The following SPATS2L variants were observed in gnomAD, a reference collection of about 807,000 sequenced individuals.
SPATS2L encodes spermatogenesis associated serine rich 2 like, also known as SPATS2-like protein.
A neutral mutation model predicts 59.6 loss-of-function variants in SPATS2L; 30 were observed. The ratio of observed to expected loss-of-function variants is 0.50; its 90% confidence interval spans 0.38 to 0.68. The LOEUF is 0.68. Ranked by LOEUF, SPATS2L falls within the 30% of genes least tolerant of loss-of-function variation. The pLI, the probability that SPATS2L is intolerant of heterozygous loss-of-function variation, is 0.00. For missense variants in SPATS2L, 615 were observed against 700.0 expected (o/e 0.88, Z 1.37); for synonymous variants, 252 against 263.5 (o/e 0.96, Z 0.42).
At chr2:200,465,608 G>A (rs2043773) in intron 9 of SPATS2L, among the ~76,000 whole-genome samples, 58,857 of 152,160 alleles carry the variant, frequency 0.39, 12,339 homozygotes, top group Non-Finnish European at 0.45. Context: ...ACATGGTATT[G>A]TAAATGGGGG....
In SPATS2L at chr2:200,435,082, T is replaced by C. The variant is rs559139340; in HGVS notation, c.446-4040T>C. On this transcript the variant is annotated intron_variant, in intron 6 of 12. Transcript: ENST00000409140. The stretch of plus-strand genomic sequence containing the variant: ...AATTCAGATTTACTCTGGTATCCTC[T>C]TCCATTATTTTTTCACATTTTACAT... Among the ~76,000 whole-genome samples the C allele has an allele frequency of 2.6e-5, 4 of 152,300 alleles. No homozygotes were observed. The East Asian group carries it at 7.7e-4, about 29-fold the overall frequency.
intron 12 of SPATS2L, among the ~76,000 whole-genome samples, chr2:200,474,460 C>A (rs2087345738): frequency 6.6e-6 from 1 of 152,086 alleles, no homozygotes; most frequent in Non-Finnish European, 1.5e-5. Flanking sequence ...GCACGTGCCA[C>A]CACGCCTGAC....
intron 1 of SPATS2L, among the ~76,000 whole-genome samples, chr2:200,318,124 C>G (rs1178280867): frequency 2.0e-5 from 3 of 152,206 alleles, no homozygotes; most frequent in Non-Finnish European, 4.4e-5. Context: ...AGCAGAGAGT[C>G]TGATCTCACA....
intron 6 of SPATS2L, among the ~76,000 whole-genome samples, chr2:200,438,131 AG>A (rs1365540448): frequency 6.6e-6 from 1 of 152,162 alleles, no homozygotes; most frequent in African/African-American, 2.4e-5. Context: ...AGTAGAGAGA[AG>A]CAGGGCAAGG....
chr2:200,408,221 G>A (rs1403004055), intron 3 of SPATS2L, among the ~76,000 whole-genome samples: 3 of 152,142 alleles, frequency 2.0e-5, no homozygotes, highest in Non-Finnish European at 4.4e-5. Flanking sequence ...TGGGGGTGGG[G>A]GTTCAAAACT....
At chr2:200,339,661 C>G (rs1035686471) in intron 2 of SPATS2L, among the ~76,000 whole-genome samples, 3 of 152,064 alleles carry the variant, frequency 2.0e-5, no homozygotes, top group African/African-American at 7.2e-5. Context: ...TAAAAACATG[C>G]TTGCAATAAC....
At chr2:200,365,848 A>G (rs1444091860) in intron 2 of SPATS2L, among the ~76,000 whole-genome samples, 1 of 152,044 alleles carries the variant, frequency 6.6e-6, no homozygotes, top group Non-Finnish European at 1.5e-5. Context: ...TTGTCTGGTC[A>G]CCCTCACTAA....
At chr2:200,328,786 C>T (rs1485307551) in intron 1 of SPATS2L, among the ~76,000 whole-genome samples, 1 of 152,174 alleles carries the variant, frequency 6.6e-6, no homozygotes, top group African/African-American at 2.4e-5. Flanking sequence ...GACCTTGGCA[C>T]CCATCTTTCC....
upstream of SPATS2L, chr2:200,306,625 G>C (rs528552688): frequency 1.0e-6 from 1 of 993,360 alleles, no homozygotes; most frequent in Admixed American, 6.2e-5. Context: ...AGGGGAAGGC[G>C]GGCGGGTCGG....
At chr2:200,335,146 C>T (rs948506736) in intron 2 of SPATS2L, among the ~76,000 whole-genome samples, 4 of 152,080 alleles carry the variant, frequency 2.6e-5, no homozygotes, top group Non-Finnish European at 4.4e-5. Context: ...TACCCATGAG[C>T]ATAGCAGTCT....
At chr2:200,344,753 A>G (rs181060967) in intron 2 of SPATS2L, among the ~76,000 whole-genome samples, 2 of 152,250 alleles carry the variant, frequency 1.3e-5, no homozygotes, top group African/African-American at 4.8e-5. Context: ...CTTTTTAATA[A>G]TAGCCATTCT....
intron 8 of SPATS2L, among the ~76,000 whole-genome samples, chr2:200,454,650 T>C (rs1450436399): frequency 6.6e-6 from 1 of 152,192 alleles, no homozygotes; most frequent in Non-Finnish European, 1.5e-5. Context: ...AAAAGCTTTT[T>C]TATGGCAACA....
intron 2 of SPATS2L, among the ~76,000 whole-genome samples, chr2:200,357,870 T>C (rs1172544046): frequency 6.6e-6 from 1 of 152,196 alleles, no homozygotes; most frequent in African/African-American, 2.4e-5. Flanking sequence ...GACGTGATCT[T>C]TGAGAGATAT....
intron 2 of SPATS2L, among the ~76,000 whole-genome samples, chr2:200,374,113 C>T (rs912727419): frequency 6.6e-6 from 1 of 152,202 alleles, no homozygotes; most frequent in Non-Finnish European, 1.5e-5. Flanking sequence ...TCTTATCTCC[C>T]TGCAGGAGCC....
At chr2:200,384,336 T>TTTTATTTA (rs10592541) in intron 2 of SPATS2L, among the ~76,000 whole-genome samples, 103 of 148,192 alleles carry the variant, frequency 7.0e-4, no homozygotes, top group African/African-American at 1.6e-3. Context: ...GGTTCATAAA[T>TTTTATTTA]TTTATTTATT....
intron 2 of SPATS2L, among the ~76,000 whole-genome samples, chr2:200,339,962 A>T (rs2080267946): frequency 1.3e-5 from 2 of 152,152 alleles, no homozygotes; most frequent in South Asian, 2.1e-4. Flanking sequence ...TGAGTTCCTT[A>T]GATGGAATCG....
intron 1 of SPATS2L, among the ~76,000 whole-genome samples, chr2:200,327,723 T>C (rs2105787378): frequency 6.6e-6 from 1 of 152,344 alleles, no homozygotes; most frequent in East Asian, 1.9e-4. Flanking sequence ...AATGGAAGTA[T>C]TACACTCACT....
intron 2 of SPATS2L, among the ~76,000 whole-genome samples, chr2:200,349,462 C>T (rs576290317): frequency 1.0e-3 from 157 of 152,302 alleles, no homozygotes; most frequent in African/African-American, 3.7e-3. Context: ...ATGGTGAAAC[C>T]TCGTCTCTAC....
At position 200,399,393 on chromosome 2, in the gene SPATS2L, C is replaced by A. The variant is rs374743042; in HGVS notation, c.39+10110C>A. Reference sequence around the variant, plus strand: ...TCATCAGTGTTGTCATGTTGTTGCACATTGCAGGGTTTCCTTTTGTAAGGC... The same window carrying A: ...TCATCAGTGTTGTCATGTTGTTGCAAATTGCAGGGTTTCCTTTTGTAAGGC... On this transcript the variant is annotated intron_variant, in intron 3 of 12. Transcript: ENST00000409140. Among the ~76,000 whole-genome samples the A allele has an allele frequency of 3.1e-3, 470 of 152,300 alleles. 3 individuals are homozygous for A. The highest frequency in any genetic ancestry group is 0.011 in the African/African-American group (449 of 41,546).
Sources: gnomAD v4.1 joint callset for allele counts (sites outside exome capture counted in the v4.1 genomes callset) on GRCh38, gnomAD v4.1.1 for gene constraint, MANE v1.5 for transcripts, NCBI Gene and HGNC (gene_info 2026-07-23, HGNC 2026-07-21) for gene names.